Variants in RGS6 observed in about 807,000 individuals in gnomAD.
The protein encoded by RGS6 is regulator of G-protein signaling 6.
Under a neutral mutation model 78.5 loss-of-function variants are expected in RGS6, and 30 were observed. That is an observed-to-expected ratio of 0.38 (90% confidence interval 0.29 to 0.52). The LOEUF is 0.52. Among genes scored for constraint, RGS6 ranks in the 20% least tolerant of loss-of-function variants. The pLI is 0.85. For missense variants in RGS6, 495 were observed against 609.7 expected, an observed-to-expected ratio of 0.81 and a Z score of 1.98; for synonymous variants, 206 against 206.0, an observed-to-expected ratio of 1.00 and a Z score of 0.00.
At chr14:72,299,073 C>A (rs1020060897) in intron 2 of RGS6, among the ~76,000 whole-genome samples, 2 of 152,092 alleles carry the variant, frequency 1.3e-5, no homozygotes, top group African/African-American at 2.4e-5. Flanking sequence ...TAAATTTGTT[C>A]ATACAATTTC....
intron 1 of RGS6, among the ~76,000 whole-genome samples, chr14:71,954,781 T>C (rs1165741290): frequency 6.6e-6 from 1 of 152,216 alleles, no homozygotes; most frequent in African/African-American, 2.4e-5. Flanking sequence ...TTTAAAAAAA[T>C]GTTTCCTTCT....
intron 2 of RGS6, among the ~76,000 whole-genome samples, chr14:72,344,274 C>G (rs2077567790): frequency 6.6e-6 from 1 of 152,122 alleles, no homozygotes; most frequent in Non-Finnish European, 1.5e-5. Flanking sequence ...AGTAAGCCTC[C>G]AGGGGACAAA....
At chr14:72,411,217 G>C (rs547618245) in intron 3 of RGS6, among the ~76,000 whole-genome samples, 281 of 152,178 alleles carry the variant, frequency 1.8e-3, no homozygotes, top group Middle Eastern at 3.4e-3. Flanking sequence ...GAATGTTCTT[G>C]CATTTGTTTG....
intron 13 of RGS6, among the ~76,000 whole-genome samples, chr14:72,500,749 T>C (rs1224042293): frequency 6.6e-6 from 1 of 151,932 alleles, no homozygotes; most frequent in African/African-American, 2.4e-5. Flanking sequence ...ACGAGACAAA[T>C]GTATTCTCTG....
intron 1 of RGS6, among the ~76,000 whole-genome samples, chr14:71,954,154 T>A (rs2092607663): frequency 6.6e-6 from 1 of 151,802 alleles, no homozygotes; most frequent in Non-Finnish European, 1.5e-5. Context: ...GTTTTTCTTT[T>A]TTTGGGTGTT....
chr14:72,518,451 A>G lies in RGS6; in HGVS notation c.1192A>G (p.Ser398Gly). 1.9e-6 allele frequency: 3 copies of G among 1,614,226 alleles called. No homozygotes were observed. The highest frequency in any genetic ancestry group is 2.5e-6 in the Non-Finnish European group (3 of 1,180,024). ...AGAGTTTCTGGCTCCAGGGGCTCCA[A>G]GTGCAATCAACCTGGATTCTCACAG... is the stretch of plus-strand genomic sequence containing the variant. ...WQEFLAPGAP[S>G]AINLDSHSYE... is the part of the protein sequence containing the mutation. Residue 398 changes from serine to glycine, a missense_variant, in exon 15 of 18, where the codon AGT becomes GGT. Coordinates refer to ENST00000553525, the MANE Select transcript of RGS6 (RefSeq NM_001204424.2).
chr14:72,267,616 A>G (rs1016698046), intron 2 of RGS6, among the ~76,000 whole-genome samples: 1 of 152,230 alleles, frequency 6.6e-6, no homozygotes, highest in Non-Finnish European at 1.5e-5. Context: ...GGGTGCTGAC[A>G]GGACAAGGGA....
chr14:72,141,637 C>G (rs2096540734), intron 2 of RGS6, among the ~76,000 whole-genome samples: 2 of 152,160 alleles, frequency 1.3e-5, no homozygotes, highest in Admixed American at 1.3e-4. Context: ...GCCATCCAGA[C>G]TCCTGGACTC....
chr14:72,548,342 T>TGTGTGTGTGTGTGTGTGCGCGC (rs796698263), intron 17 of RGS6, among the ~76,000 whole-genome samples: 5 of 134,830 alleles, frequency 3.7e-5, no homozygotes, highest in East Asian at 2.5e-4. Context: ...TGTGTGTGTG[T>TGTGTGTGTGTGTGTGTGCGCGC]GCGCGCGTGT....
chr14:72,020,404 A>G (rs980963488), intron 2 of RGS6, among the ~76,000 whole-genome samples: 8 of 152,206 alleles, frequency 5.3e-5, no homozygotes, highest in African/African-American at 1.9e-4. Context: ...CCTAGGATGA[A>G]CTGGTTCTGC....
chr14:72,013,882 C>T (rs935687206), intron 2 of RGS6, among the ~76,000 whole-genome samples: 3 of 152,162 alleles, frequency 2.0e-5, no homozygotes, highest in Non-Finnish European at 4.4e-5. Context: ...TCCCTTACTC[C>T]GTGCTGGTCG....
At chr14:72,550,360 T>C in intron 17 of RGS6, 3 of 992,198 alleles carry the variant, frequency 3.0e-6, no homozygotes, top group Non-Finnish European at 4.6e-6. Context: ...GCACCTGTAC[T>C]TAGTGACAGG....
chr14:72,043,505 G>T (rs1479300191), intron 2 of RGS6, among the ~76,000 whole-genome samples: 2 of 151,858 alleles, frequency 1.3e-5, no homozygotes, highest in Non-Finnish European at 2.9e-5. Context: ...TAACTTTGCT[G>T]AATATAGAAA....
At chr14:72,441,279 C>T (rs753913509) in intron 3 of RGS6, among the ~76,000 whole-genome samples, 6 of 152,196 alleles carry the variant, frequency 3.9e-5, no homozygotes, top group Non-Finnish European at 7.3e-5. Context: ...GTCCCTTCCT[C>T]TCCCTGCAGG....
chr14:72,478,848 C>A (rs537747730), intron 12 of RGS6, among the ~76,000 whole-genome samples: 1 of 152,208 alleles, frequency 6.6e-6, no homozygotes, highest in African/African-American at 2.4e-5. Flanking sequence ...GCTTCCACAG[C>A]GGTGTGTGTG....
At chr14:72,014,406 C>G (rs1037900716) in intron 2 of RGS6, among the ~76,000 whole-genome samples, 1 of 152,180 alleles carries the variant, frequency 6.6e-6, no homozygotes, top group Non-Finnish European at 1.5e-5. Flanking sequence ...ACCTTTAAAG[C>G]ATGTGGCACA....
intron 17 of RGS6, chr14:72,547,144 C>T (rs754816650): frequency 3.3e-5 from 50 of 1,532,516 alleles, no homozygotes; most frequent in Admixed American, 7.8e-5. Context: ...ACAGGATGCC[C>T]GCCTCTGCCT....
chr14:72,595,824 C>T, the RGS6 span, among the ~76,000 whole-genome samples: 6 of 152,306 alleles, frequency 3.9e-5, no homozygotes, highest in South Asian at 2.1e-4. Flanking sequence ...CACCATCATA[C>T]GGTTGCAAAC....
At chr14:72,065,924 T>TC (rs2094125492) in intron 2 of RGS6, among the ~76,000 whole-genome samples, 1 of 55,442 alleles carries the variant, frequency 1.8e-5, no homozygotes, top group Non-Finnish European at 3.9e-5. Context: ...CCTCCCCCCC[T>TC]CCCCCCAGCC....
Sources: allele counts gnomAD v4.1 joint callset (sites outside exome capture counted in the v4.1 genomes callset), GRCh38; gene constraint gnomAD v4.1.1; transcripts MANE v1.5; gene names NCBI Gene and HGNC (gene_info 2026-07-23, HGNC 2026-07-21).